The following KCNJ4 variants were observed in gnomAD, a reference collection of about 807,000 sequenced individuals.
KCNJ4 encodes the protein potassium inwardly rectifying channel subfamily J member 4.
A neutral mutation model predicts 25.6 loss-of-function variants in KCNJ4; 3 were observed. The observed-to-expected ratio is 0.12, with a 90% confidence interval of 0.05 to 0.30. The LOEUF (loss-of-function observed/expected upper bound fraction) is 0.30, where lower values mean the gene tolerates loss of function less well. KCNJ4 is among the 10% of genes least tolerant of loss of function. The pLI is 1.00. For missense variants in KCNJ4, 286 were observed against 666.8 expected, an observed-to-expected ratio of 0.43 and a Z score of 6.29; for synonymous variants, 257 against 283.9, an observed-to-expected ratio of 0.91 and a Z score of 0.95.
intron 1 of KCNJ4, among the ~76,000 whole-genome samples, chr22:38,429,752 T>A (rs1054976247): frequency 4.6e-5 from 7 of 152,190 alleles, no homozygotes; most frequent in African/African-American, 9.6e-5. Flanking sequence ...AGGGAAGACA[T>A]GCTGCTGCCC....
Position 38,437,125 on chromosome 22 carries a change from C to T in KCNJ4, c.-39-8954G>A, listed in dbSNP as rs1024373328. Reference sequence around the variant, plus strand: ...GGGCTTGGAGCAGCAAGGGGTGAACCGGCTCATTCCTCCTACTCTGCACCC... The same window carrying T: ...GGGCTTGGAGCAGCAAGGGGTGAACTGGCTCATTCCTCCTACTCTGCACCC... On this transcript the variant is annotated intron_variant, in intron 1 of 1. Transcript: ENST00000303592. Among the ~76,000 whole-genome samples the T allele has an allele frequency of 7.2e-5, 11 of 152,310 alleles. No homozygotes were observed. In the South Asian group the frequency reaches 8.3e-4, roughly 11 times the overall value.
intron 1 of KCNJ4, among the ~76,000 whole-genome samples, chr22:38,439,124 G>GTCCC (rs1221402458): frequency 6.6e-6 from 1 of 152,136 alleles, no homozygotes; most frequent in African/African-American, 2.4e-5. Context: ...CATGCCTATA[G>GTCCC]TCCCAGCTAC....
chr22:38,430,852 C>T (rs767648747), intron 1 of KCNJ4, among the ~76,000 whole-genome samples: 3 of 152,218 alleles, frequency 2.0e-5, no homozygotes, highest in Non-Finnish European at 4.4e-5. Flanking sequence ...CATTTTATAT[C>T]GGAGACCAAG....
At chr22:38,429,965 T>C (rs1006253033) in intron 1 of KCNJ4, among the ~76,000 whole-genome samples, 7 of 152,206 alleles carry the variant, frequency 4.6e-5, no homozygotes. Flanking sequence ...AACGCTATAA[T>C]TTAGAGATCA....
Sources: gnomAD v4.1 joint callset for allele counts (sites outside exome capture counted in the v4.1 genomes callset) on GRCh38, gnomAD v4.1.1 for gene constraint, MANE v1.5 for transcripts, NCBI Gene and HGNC (gene_info 2026-07-23, HGNC 2026-07-21) for gene names.